The following OSBPL11 variants were observed in gnomAD, a reference collection of about 807,000 sequenced individuals.
OSBPL11 encodes oxysterol binding protein like 11.
Under a neutral mutation model 84.4 loss-of-function variants are expected in OSBPL11, and 33 were observed. The ratio of observed to expected loss-of-function variants is 0.39; its 90% CI spans 0.30 to 0.52. OSBPL11 has a LOEUF of 0.52. OSBPL11 is among the 20% of genes least tolerant of loss of function. The pLI, the probability that OSBPL11 is intolerant of heterozygous loss-of-function variation, is 0.72. For missense variants in OSBPL11, 736 were observed against 901.1 expected, an observed-to-expected ratio of 0.82 and a Z score of 2.35; for synonymous variants, 276 against 310.2, an observed-to-expected ratio of 0.89 and a Z score of 1.16.
chr3:125,531,618 T>C (rs564004722), intron 12 of OSBPL11, among the ~76,000 whole-genome samples: 22 of 152,216 alleles, frequency 1.4e-4, no homozygotes, highest in African/African-American at 3.6e-4. Context: ...TAATGATATA[T>C]AGATGTTCTC....
In OSBPL11 at chr3:125,595,033, C is replaced by T. The variant is rs1374453676; in HGVS notation, c.-233G>A. ...GAGGACAGATATCCTTCACATGTATCTCTCTCCTTTCCGGCAAAAGCAAGG... is the reference window on the plus strand; with the variant it reads ...GAGGACAGATATCCTTCACATGTATTTCTCTCCTTTCCGGCAAAAGCAAGG... On this transcript the variant is annotated 5_prime_UTR_variant, in exon 1 of 13. Coordinates refer to ENST00000296220, the MANE Select transcript of OSBPL11 (RefSeq NM_022776.5). The T allele has an allele frequency of 8.8e-6, 4 of 454,128 alleles. No homozygotes were observed. The allele number at this position is 454,128 out of a possible 1,614,324, so 28.1% of individuals were successfully genotyped here.
chr3:125,569,944 G>C (rs1237222070), intron 5 of OSBPL11, among the ~76,000 whole-genome samples: 3 of 152,156 alleles, frequency 2.0e-5, no homozygotes, highest in Non-Finnish European at 2.9e-5. Flanking sequence ...TAGGGTGCTC[G>C]TAACATTTAA....
At chr3:125,555,089 A>T (rs1025776041) in intron 8 of OSBPL11, among the ~76,000 whole-genome samples, 1 of 152,188 alleles carries the variant, frequency 6.6e-6, no homozygotes, top group Admixed American at 6.5e-5. Context: ...GGCACCATCT[A>T]ATCAGCTGCT....
At chr3:125,557,801 T>C (rs1936013899) in intron 8 of OSBPL11, among the ~76,000 whole-genome samples, 1 of 143,378 alleles carries the variant, frequency 7.0e-6, no homozygotes, top group South Asian at 2.3e-4. Context: ...CTTTTTTTTT[T>C]TTTTTTTTTT....
intron 5 of OSBPL11, among the ~76,000 whole-genome samples, chr3:125,573,872 CAA>C (rs35902125): frequency 4.6e-5 from 2 of 43,518 alleles, no homozygotes; most frequent in African/African-American, 1.0e-4. Flanking sequence ...AACTCCGTCT[CAA>C]AAAAAAAAAA....
At chr3:125,550,506 A>C (rs1179198974) in intron 9 of OSBPL11, among the ~76,000 whole-genome samples, 1 of 152,282 alleles carries the variant, frequency 6.6e-6, no homozygotes, top group Non-Finnish European at 1.5e-5. Context: ...TTACAACAGA[A>C]CTTAAAAATG....
chr3:125,594,692 C>T lies in OSBPL11; in HGVS notation c.109G>A (p.Gly37Arg). 6.8e-6 allele frequency: 11 copies of T among 1,614,112 alleles called. No individual in the cohort carries two copies. Among genetic ancestry groups the T allele is most frequent in the Non-Finnish European group, 9.3e-6 (11 of 1,180,020 alleles). ...TPNKNSSCGG[G>R]ISSSSSSRGG... ...CGGCTGCTGCTGCTGCTACTGATTCCACCTCCACAGCTGCTGTTCTTGTTC... is the reference window on the plus strand; with the variant it reads ...CGGCTGCTGCTGCTGCTACTGATTCTACCTCCACAGCTGCTGTTCTTGTTC... The change falls in exon 1 of 13, where the codon GGA becomes AGA. Residue 37 changes from glycine (G) to arginine (R), a missense_variant. This residue lies in a region of OSBPL11 where 114 missense variants were observed against 104.9 expected (regional missense o/e 1.09). Coordinates refer to ENST00000296220, the MANE Select transcript of OSBPL11 (RefSeq NM_022776.5).
rs549071165 is a variant in OSBPL11, at chr3:125,574,935, C to T, written c.666+1254G>A. Among the ~76,000 whole-genome samples, 23 of 152,166 alleles carry T rather than the reference C, an allele frequency of 1.5e-4. No homozygotes were observed. In the East Asian group the frequency reaches 3.3e-3, roughly 22 times the overall value. ...ATGTAACAAAATACAAAAAGTTCAC[C>T]GATATATATTAGATTCCACACGGCA... On this transcript the variant is annotated intron_variant, in intron 5 of 12. Transcript: ENST00000296220.
At chr3:125,573,239 A>G (rs531823000) in intron 5 of OSBPL11, among the ~76,000 whole-genome samples, 1 of 152,264 alleles carries the variant, frequency 6.6e-6, no homozygotes, top group African/African-American at 2.4e-5. Context: ...AGAAAGCTGA[A>G]AACTTGGTGA....
intron 10 of OSBPL11, among the ~76,000 whole-genome samples, chr3:125,546,893 AC>A (rs1260527249): frequency 6.6e-6 from 1 of 150,788 alleles, no homozygotes; most frequent in Non-Finnish European, 1.5e-5. Context: ...TCTCAAAAAA[AC>A]AAATGACAAA....
In OSBPL11 at chr3:125,529,186, G is replaced by GA. The variant is rs1291838215; in HGVS notation, c.*1328dup. On this transcript the variant is annotated 3_prime_UTR_variant, in exon 13 of 13. Transcript: ENST00000296220. ...ACACACTGATTGGAAGACCATATCA[G>GA]AAAAAACAGAGTAAGGCACCACTCT... 6.6e-6 allele frequency: 1 copy of GA among 152,450 alleles called. No homozygotes were observed. The highest frequency in any genetic ancestry group is 2.4e-5 in the African/African-American group (1 of 41,386). 9.4% of individuals were successfully genotyped at this position (152,450 alleles called of 1,614,324 possible). A position where few individuals can be genotyped will look rare whatever the true frequency, so the allele number is the denominator to read the frequency against.
rs1936653035 is a variant in OSBPL11, at chr3:125,594,684, A to G, written c.117T>C (p.Ser39=). The stretch of plus-strand genomic sequence containing the variant: ...TGCCACCGCGGCTGCTGCTGCTGCT[A>G]CTGATTCCACCTCCACAGCTGCTGT... The part of the protein sequence containing the change: ...NKNSSCGGGI[S]SSSSSRGGSA... Residue 39 remains serine, a synonymous_variant, in exon 1 of 13, where the codon AGT becomes AGC. Coordinates refer to ENST00000296220, the MANE Select transcript of OSBPL11 (RefSeq NM_022776.5). 6.2e-7 allele frequency: 1 copy of G among 1,613,894 alleles called. No individual in the cohort carries two copies. The highest frequency in any genetic ancestry group is 1.3e-5 in the African/African-American group (1 of 74,912).
At chr3:125,584,875 C>T (rs562125094) in intron 1 of OSBPL11, among the ~76,000 whole-genome samples, 16 of 152,260 alleles carry the variant, frequency 1.1e-4, no homozygotes, top group African/African-American at 3.6e-4. Flanking sequence ...TTTAACAGCT[C>T]AAGTGACCCT....
intron 6 of OSBPL11, among the ~76,000 whole-genome samples, chr3:125,564,899 C>T (rs1319832627): frequency 6.6e-6 from 1 of 152,180 alleles, no homozygotes; most frequent in Non-Finnish European, 1.5e-5. Flanking sequence ...AGGTGATCTG[C>T]CTGACTCCGC....
intron 4 of OSBPL11, among the ~76,000 whole-genome samples, chr3:125,576,828 C>T (rs1246036197): frequency 1.3e-5 from 2 of 152,140 alleles, no homozygotes; most frequent in Non-Finnish European, 2.9e-5. Flanking sequence ...GGATTACAGG[C>T]ATGCACCACC....
Position 125,556,297 on chromosome 3 carries a change from GA to G in OSBPL11, c.1156-3619del, listed in dbSNP as rs1471396724. ...AAACCTCAGGATAAAATAGCCTAGT[GA>G]AACTGATCCCAAGTGTATCTGTATT... On this transcript the variant is annotated intron_variant, in intron 8 of 12. Transcript: ENST00000296220. Among the ~76,000 whole-genome samples the G allele has an allele frequency of 4.6e-5, 7 of 152,328 alleles. No homozygotes were observed. In the South Asian group the frequency reaches 1.5e-3, roughly 32 times the overall value.
intron 10 of OSBPL11, among the ~76,000 whole-genome samples, chr3:125,545,983 GA>G (rs923306408): frequency 1.3e-5 from 2 of 152,084 alleles, no homozygotes; most frequent in African/African-American, 4.8e-5. Flanking sequence ...TAAGCACAAA[GA>G]AGAAAAGGTG....
intron 5 of OSBPL11, among the ~76,000 whole-genome samples, chr3:125,568,545 GCTCTCAACCACTTA>G (rs1461698214): frequency 6.6e-6 from 1 of 152,104 alleles, no homozygotes; most frequent in Non-Finnish European, 1.5e-5. Context: ...TCCAGTCTGG[GCTCTCAACCACTTA>G]CTTCTTATAC....
At chr3:125,587,266 C>T (rs914139231) in intron 1 of OSBPL11, among the ~76,000 whole-genome samples, 3 of 152,182 alleles carry the variant, frequency 2.0e-5, no homozygotes, top group Non-Finnish European at 2.9e-5. Flanking sequence ...ACTCAGATTT[C>T]CAGCTGGAAC....
Sources: allele counts gnomAD v4.1 joint callset (sites outside exome capture counted in the v4.1 genomes callset), GRCh38; gene constraint gnomAD v4.1.1; regional missense constraint gnomAD v4.1.1; transcripts MANE v1.5; gene names NCBI Gene and HGNC (gene_info 2026-07-23, HGNC 2026-07-21).